The following MYO15A variants were observed in gnomAD, a reference collection of about 807,000 sequenced individuals.
The protein encoded by MYO15A is myosin XVA, also known as unconventional myosin-XV.
Under a neutral mutation model 394.6 loss-of-function variants are expected in MYO15A, and 308 were observed. The observed-to-expected ratio is 0.78, with a 90% CI of 0.71 to 0.86. MYO15A has a LOEUF of 0.86. Among genes scored for constraint, MYO15A ranks in the 40% least tolerant of loss-of-function variants. MYO15A has a pLI of 0.00. For missense variants in MYO15A, 4,606 were observed against 4,799.1 expected, an observed-to-expected ratio of 0.96 and a Z score of 1.19; for synonymous variants, 1,957 against 2,003.8, an observed-to-expected ratio of 0.98 and a Z score of 0.62.
At chr17:18,127,035 G>A (rs1199238624) in intron 6 of MYO15A, 40 bp from the exon 7 acceptor site, 2 of 1,612,730 alleles carry the variant, frequency 1.2e-6, no homozygotes, top group Non-Finnish European at 1.7e-6. Flanking sequence ...AGAAGAGGCA[G>A]CGAAAGGTTG....
intron 60 of MYO15A, chr17:18,164,086 C>G (rs1597816941): frequency 1.8e-6 from 1 of 560,032 alleles, no homozygotes; most frequent in East Asian, 3.2e-5. Flanking sequence ...CTTTGTCCCT[C>G]AGGACATGCT....
At chr17:18,158,741 G>GTCTCTCATCTCTCCCACCA in intron 52 of MYO15A, 103 bp downstream of exon 52, 1 of 1,468,676 alleles carries the variant, frequency 6.8e-7, no homozygotes, top group Non-Finnish European at 9.5e-7. Context: ...ACTTCTGGTG[G>GTCTCTCATCTCTCCCACCA]GAGAGATGAG....
chr17:18,139,504 G>T, intron 18 of MYO15A, 30 bp from the exon 19 acceptor site: 2 of 1,610,180 alleles, frequency 1.2e-6, no homozygotes, highest in South Asian at 1.1e-5. Context: ...CAGAGGCCAG[G>T]ATTACCCAGG....
In MYO15A at chr17:18,137,452, A is replaced by G. The variant is rs913666696; in HGVS notation, c.4780-132A>G. ...CAGATTCTGTCCTGGGTGCAGCAGG[A>G]GCTGTGGAGGGTTGTGAGCTGAGGG... On this transcript the variant is annotated intron_variant, in intron 15 of 65. Coordinates refer to ENST00000647165, the MANE Select transcript of MYO15A (RefSeq NM_016239.4). The G allele has an allele frequency of 1.5e-5, 11 of 737,350 alleles. No homozygotes were observed. The Admixed American group carries it at 1.6e-4, about 11-fold the overall frequency. 45.7% of individuals were successfully genotyped at this position (737,350 alleles called of 1,614,324 possible). A position where few individuals can be genotyped will look rare whatever the true frequency, so the allele number is the denominator to read the frequency against.
Position 18,141,702 on chromosome 17 carries a change from A to ATG in MYO15A, c.5589_5590dup (p.Ser1864CysfsTer4). On this transcript the variant is annotated frameshift_variant, in exon 23 of 66. Coordinates refer to ENST00000647165, the MANE Select transcript of MYO15A (RefSeq NM_016239.4). LOFTEE classifies it high-confidence loss of function. ...GCATGACCTGCCGGCTAATGGGGAC[A>ATG]TGTGTGTGTCAGTGCTGAGTCGCCT... 6.2e-7 allele frequency: 1 copy of ATG among 1,614,050 alleles called. No individual in the cohort carries two copies. The highest frequency in any genetic ancestry group is 1.3e-5 in the African/African-American group (1 of 75,028).
Position 18,120,691 on chromosome 17 carries a change from G to T in MYO15A, c.1891G>T (p.Ala631Ser). 1 of 1,557,588 alleles carries T rather than the reference G, an allele frequency of 6.4e-7. No individual in the cohort carries two copies. ...CGGCACGCCCATCGTGCTGAGGAGG[G>T]CCCAGCCACGCGCTCGCAGCAGCAA... ...KPGTPIVLRR[A>S]QPRARSSNDA... Residue 631 changes from alanine to serine, a missense_variant, in exon 2 of 66, where the codon GCC becomes TCC. Physicochemically the swap from Ala to Ser is moderately conservative, Grantham distance 99. Transcript: ENST00000647165.
chr17:18,114,920 A>G (rs755761067), intron 1 of MYO15A, among the ~76,000 whole-genome samples: 39 of 152,042 alleles, frequency 2.6e-4, no homozygotes, highest in Admixed American at 1.6e-3. Context: ...TGTGGCTTCA[A>G]TGCCATCTAG....
rs975134734 is a variant in MYO15A at position 18,127,790 on chromosome 17, T to C, written c.4032+625T>C. On this transcript the variant is annotated intron_variant, in intron 7 of 65. Coordinates refer to ENST00000647165, the MANE Select transcript of MYO15A (RefSeq NM_016239.4). Reference sequence around the variant, plus strand: ...CAACTCAGGCAAATGTTCACACCCTTATGGGAACTTCATTCTAGTGGTGGA... The same window carrying C: ...CAACTCAGGCAAATGTTCACACCCTCATGGGAACTTCATTCTAGTGGTGGA... Among the ~76,000 whole-genome samples, 7 of 149,284 alleles carry C rather than the reference T, an allele frequency of 4.7e-5. No homozygotes were observed. In the East Asian group the frequency reaches 1.4e-3, roughly 29 times the overall value.
At position 18,178,915 on chromosome 17, in the gene MYO15A, T is replaced by A. The variant is rs1392020523; in HGVS notation, c.*45T>A. On this transcript the variant is annotated 3_prime_UTR_variant, in exon 66 of 66. Transcript: ENST00000647165. ...GTACCTTCTGCCAGAAGACTCACTG[T>A]GTGGCCTCAGAGAAATCACTGAACC... 1.3e-6 allele frequency: 2 copies of A among 1,581,266 alleles called. No individual in the cohort carries two copies. The highest frequency in any genetic ancestry group is 1.3e-5 in the African/African-American group (1 of 74,470).
At chr17:18,139,358 G>T in intron 18 of MYO15A, 176 bp from the exon 19 acceptor site, 1 of 727,226 alleles carries the variant, frequency 1.4e-6, no homozygotes, top group Non-Finnish European at 2.4e-6. Context: ...TGAGGGTGAG[G>T]CCAAGACCCA....
At chr17:18,144,439 G>C in intron 28 of MYO15A, 58 bp from the exon 29 acceptor site, 1 of 1,420,848 alleles carries the variant, frequency 7.0e-7, no homozygotes, top group Non-Finnish European at 9.7e-7. Flanking sequence ...AGAGCAGTGG[G>C]TCCAGATGTG....
chr17:18,115,573 G>T (rs919310684), intron 1 of MYO15A, among the ~76,000 whole-genome samples: 1 of 151,916 alleles, frequency 6.6e-6, no homozygotes, highest in African/African-American at 2.4e-5. Flanking sequence ...AGCCAAGATC[G>T]CACCATCGCA....
In MYO15A at chr17:18,132,389, T is replaced by C. The variant is rs2046183213; in HGVS notation, c.4207-64T>C. On this transcript the variant is annotated intron_variant, in intron 10 of 65. Transcript: ENST00000647165. The surrounding 1 kb of genome is among the most constrained non-coding windows in gnomAD (Gnocchi z 4.6). ...ACTTGTGGGCAGGCTTGGGCTTGTATGTGTGCCTGGGGGTCACCTAGGTAG... is the reference window on the plus strand; with the variant it reads ...ACTTGTGGGCAGGCTTGGGCTTGTACGTGTGCCTGGGGGTCACCTAGGTAG... 4 of 1,310,512 alleles carry C rather than the reference T, an allele frequency of 3.1e-6. No homozygotes were observed. Among genetic ancestry groups the C allele is most frequent in the Non-Finnish European group, 3.3e-6 (3 of 907,982 alleles). The allele number at this position is 1,310,512 out of a possible 1,614,324, so 81.2% of individuals were successfully genotyped here.
chr17:18,161,195 G>A, intron 56 of MYO15A, 122 bp from the exon 57 acceptor site: 1 of 1,320,408 alleles, frequency 7.6e-7, no homozygotes, highest in Middle Eastern at 1.8e-4. Flanking sequence ...CGCAGGGAGG[G>A]GCATCCTCAG....
In MYO15A at chr17:18,167,671, A is replaced by G. The variant is rs755924988; in HGVS notation, c.10030A>G (p.Lys3344Glu). ...CGAGCAGCTGCTGCAGCAGGTGTCCAAGCTGGCTTCACTGCAGCATCGCGC... is the reference window on the plus strand; with the variant it reads ...CGAGCAGCTGCTGCAGCAGGTGTCCGAGCTGGCTTCACTGCAGCATCGCGC... ...PSEQLLQQVS[K>E]LASLQHRAKD... The change falls in exon 62 of 66, where the codon AAG (lysine) becomes GAG (glutamate). Residue 3344 changes from lysine (K) to glutamate (E), a missense_variant. Coordinates refer to ENST00000647165, the MANE Select transcript of MYO15A (RefSeq NM_016239.4). 6.2e-7 allele frequency: 1 copy of G among 1,604,574 alleles called. No homozygotes were observed. The highest frequency in any genetic ancestry group is 1.1e-5 in the South Asian group (1 of 91,092).
chr17:18,122,241 A>G lies in MYO15A; in HGVS notation c.3441A>G (p.Pro1147=), dbSNP rs2045952848. ...PQVQPIQDPK[P]RACSLRWSCL... Reference sequence around the variant, plus strand: ...TCCAGCCCATTCAGGACCCCAAGCCAAGAGCCTGTAGTCTTCGCTGGTCCT... The same window carrying G: ...TCCAGCCCATTCAGGACCCCAAGCCGAGAGCCTGTAGTCTTCGCTGGTCCT... The change falls in exon 2 of 66, where the codon CCA becomes CCG. Residue 1147 remains proline, a synonymous_variant. Coordinates refer to ENST00000647165, the MANE Select transcript of MYO15A (RefSeq NM_016239.4). 2.5e-6 allele frequency: 4 copies of G among 1,613,210 alleles called. No individual in the cohort carries two copies. The East Asian group carries it at 8.9e-5, about 36-fold the overall frequency.
At chr17:18,161,077 A>G in intron 56 of MYO15A, 1 of 670,966 alleles carries the variant, frequency 1.5e-6, no homozygotes, top group South Asian at 1.6e-5. Flanking sequence ...GAGAGGAAAG[A>G]GTCGCAGTGC....
At position 18,161,324 on chromosome 17, in the gene MYO15A, T is replaced by C; in HGVS notation, c.9394T>C (p.Cys3132Arg). The C allele has an allele frequency of 1.2e-6, 2 of 1,613,936 alleles. No homozygotes were observed. Among genetic ancestry groups the C allele is most frequent in the Non-Finnish European group, 1.7e-6 (2 of 1,180,000 alleles). The change falls in exon 57 of 66, where the codon TGC (cysteine) becomes CGC (arginine). Residue 3132 changes from cysteine (C) to arginine (R), a missense_variant. Physicochemically the swap from Cys to Arg is radical, Grantham distance 180. Transcript: ENST00000647165. ...TDNTSSKQDSCQRGWRLLYIV... is the reference protein window; with the variant it reads ...TDNTSSKQDSRQRGWRLLYIV... ...CCCCATGTGTCCTTGCAGGGACAGC[T>C]GCCAGCGAGGCTGGAGGCTGCTGTA...
Position 18,121,558 on chromosome 17 carries a change from T to G in MYO15A, c.2758T>G (p.Trp920Gly). Residue 920 changes from tryptophan (W) to glycine (G), a missense_variant, in exon 2 of 66, where the codon TGG becomes GGG. Trp to Gly is a radical substitution (Grantham distance 184). This residue lies in a region of MYO15A where 1,830 missense variants were observed against 1,689.7 expected (regional missense o/e 1.08). Transcript: ENST00000647165. The surrounding 1 kb of genome is among the most constrained non-coding windows in gnomAD (Gnocchi z 5.3). ...AGAACCCGAGGACTCAGAGACGCCC[T>G]GGACTGTGCCCCCACTGGCCCCCAG... The part of the protein sequence containing the change: ...PREPEDSETP[W>G]TVPPLAPSWD... The G allele has an allele frequency of 1.9e-6, 3 of 1,588,428 alleles. No homozygotes were observed. The highest frequency in any genetic ancestry group is 2.6e-6 in the Non-Finnish European group (3 of 1,168,164).
Sources: gnomAD v4.1 joint callset for allele counts (sites outside exome capture counted in the v4.1 genomes callset) on GRCh38, gnomAD v4.1.1 for gene constraint, gnomAD v4.1.1 regional missense constraint, Gnocchi (gnomAD v3.1) non-coding constraint, MANE v1.5 for transcripts, NCBI Gene and HGNC (gene_info 2026-07-23, HGNC 2026-07-21) for gene names.